PPARGC1A: variants seen among roughly 807,000 people sequenced by gnomAD.
PPARGC1A encodes peroxisome proliferator-activated receptor gamma coactivator 1-alpha.
Under a neutral mutation model 88.7 loss-of-function variants are expected in PPARGC1A, and 25 were observed. That is an observed-to-expected ratio of 0.28 (90% CI 0.21 to 0.39). The LOEUF (loss-of-function observed/expected upper bound fraction) is 0.39, where lower values mean the gene tolerates loss of function less well. PPARGC1A is among the 10% of genes least tolerant of loss of function. The pLI is 1.00. For synonymous variants in PPARGC1A, 363 were observed against 355.6 expected (o/e 1.02, Z -0.24); for missense variants, 880 against 968.7 (o/e 0.91, Z 1.22).
At chr4:24,393,240 C>A in the PPARGC1A span, among the ~76,000 whole-genome samples, 1 of 152,124 alleles carries the variant, frequency 6.6e-6, no homozygotes, top group Non-Finnish European at 1.5e-5. Flanking sequence ...TGTTGAAAAC[C>A]AAGCTAGAGA....
the PPARGC1A span, among the ~76,000 whole-genome samples, chr4:23,961,854 G>A: frequency 1.3e-5 from 2 of 152,168 alleles, no homozygotes; most frequent in Non-Finnish European, 2.9e-5. Context: ...TACCCATAAG[G>A]TGATGGCAGC....
the PPARGC1A span, among the ~76,000 whole-genome samples, chr4:23,912,365 C>G: frequency 6.6e-6 from 1 of 152,036 alleles, no homozygotes; most frequent in Non-Finnish European, 1.5e-5. Context: ...ATCACCATGC[C>G]TATATCTTAG....
the PPARGC1A span, among the ~76,000 whole-genome samples, chr4:24,024,870 T>C: frequency 6.6e-6 from 1 of 152,204 alleles, no homozygotes; most frequent in Non-Finnish European, 1.5e-5. Flanking sequence ...CAAGTGACAG[T>C]TGAAACAGGC....
At chr4:24,209,084 G>A in the PPARGC1A span, among the ~76,000 whole-genome samples, 1 of 152,156 alleles carries the variant, frequency 6.6e-6, no homozygotes, top group South Asian at 2.1e-4. Context: ...GTCATCGGCA[G>A]TGAAGAATGA....
At chr4:24,458,090 C>T in the PPARGC1A span, among the ~76,000 whole-genome samples, 3 of 152,048 alleles carry the variant, frequency 2.0e-5, no homozygotes, top group Admixed American at 2.0e-4. Flanking sequence ...GTTCTAGCAG[C>T]CAAAAGAATT....
chr4:23,923,851 T>C, the PPARGC1A span, among the ~76,000 whole-genome samples: 1 of 152,210 alleles, frequency 6.6e-6, no homozygotes, highest in Non-Finnish European at 1.5e-5. Context: ...CCTCAATACC[T>C]TCTTTATATT....
the PPARGC1A span, among the ~76,000 whole-genome samples, chr4:24,052,927 T>C: frequency 7.4e-6 from 1 of 135,024 alleles, no homozygotes; most frequent in Non-Finnish European, 1.6e-5. Context: ...GCAGTGGTGC[T>C]ATCTTGGCTC....
the PPARGC1A span, among the ~76,000 whole-genome samples, chr4:24,282,767 GCA>G: frequency 6.6e-6 from 1 of 152,170 alleles, no homozygotes; most frequent in African/African-American, 2.4e-5. Flanking sequence ...TTTTTTTCCA[GCA>G]CTTGCTCCGG....
chr4:24,136,118 G>A, the PPARGC1A span, among the ~76,000 whole-genome samples: 1 of 152,216 alleles, frequency 6.6e-6, no homozygotes, highest in Non-Finnish European at 1.5e-5. Flanking sequence ...TTTAATGAGA[G>A]AGCAGTGTTG....
the PPARGC1A span, among the ~76,000 whole-genome samples, chr4:24,197,904 A>G: frequency 6.6e-6 from 1 of 152,190 alleles, no homozygotes; most frequent in African/African-American, 2.4e-5. Flanking sequence ...GCTAGAAAAC[A>G]TTGCTAGGTA....
At chr4:24,346,727 TG>T in the PPARGC1A span, among the ~76,000 whole-genome samples, 1 of 152,212 alleles carries the variant, frequency 6.6e-6, no homozygotes, top group African/African-American at 2.4e-5. Flanking sequence ...ACCAGCTTTT[TG>T]TTTCATTTAT....
the PPARGC1A span, among the ~76,000 whole-genome samples, chr4:24,076,494 T>A: frequency 2.6e-5 from 4 of 152,124 alleles, no homozygotes; most frequent in Non-Finnish European, 5.9e-5. Flanking sequence ...GTTTATTGAG[T>A]GGGGAATTTC....
At chr4:24,095,265 A>ACACTAC in the PPARGC1A span, among the ~76,000 whole-genome samples, 1 of 151,752 alleles carries the variant, frequency 6.6e-6, no homozygotes, top group Non-Finnish European at 1.5e-5. Context: ...CTACAGGCAC[A>ACACTAC]CACTACCATG....
At chr4:24,108,347 C>A in the PPARGC1A span, among the ~76,000 whole-genome samples, 2 of 152,088 alleles carry the variant, frequency 1.3e-5, no homozygotes, top group Non-Finnish European at 2.9e-5. Context: ...ACTAGGGTTT[C>A]TTCTATTGAT....
the PPARGC1A span, among the ~76,000 whole-genome samples, chr4:24,033,027 T>C: frequency 2.0e-5 from 3 of 152,330 alleles, no homozygotes; most frequent in Non-Finnish European, 2.9e-5. Context: ...ACAAAACTTG[T>C]ATGTAGAATT....
chr4:24,122,428 TATATATATAG>T, the PPARGC1A span, among the ~76,000 whole-genome samples: 3 of 141,854 alleles, frequency 2.1e-5, no homozygotes, highest in South Asian at 6.7e-4. Context: ...TATATATATA[TATATATATAG>T]AGAGAGAGAG....
At chr4:24,173,896 G>A in the PPARGC1A span, among the ~76,000 whole-genome samples, 2 of 152,188 alleles carry the variant, frequency 1.3e-5, no homozygotes, top group Non-Finnish European at 2.9e-5. Context: ...ACCATCTGAT[G>A]ACCAGCATTG....
At chr4:24,336,741 T>G in the PPARGC1A span, among the ~76,000 whole-genome samples, 4 of 150,852 alleles carry the variant, frequency 2.7e-5, no homozygotes, top group African/African-American at 7.3e-5. Flanking sequence ...TGGCTTTTTG[T>G]TTTTTTTCCA....
the PPARGC1A span, among the ~76,000 whole-genome samples, chr4:24,250,383 A>C: frequency 6.6e-6 from 1 of 152,272 alleles, no homozygotes; most frequent in Non-Finnish European, 1.5e-5. Flanking sequence ...GGATTGGCTT[A>C]GGATTATCTG....
Sources: allele counts gnomAD v4.1 joint callset (sites outside exome capture counted in the v4.1 genomes callset), GRCh38; gene constraint gnomAD v4.1.1; transcripts MANE v1.5; gene names NCBI Gene and HGNC (gene_info 2026-07-23, HGNC 2026-07-21).